Variants in KLF12 observed in about 807,000 individuals in gnomAD.
KLF12 encodes Krueppel-like factor 12.
KLF12 carries 9 observed loss-of-function variants against 37.8 expected under a neutral mutation model. The ratio of observed to expected loss-of-function variants is 0.24; its 90% confidence interval spans 0.14 to 0.42. The LOEUF is 0.42. Among genes scored for constraint, KLF12 ranks in the 10% least tolerant of loss-of-function variants. The pLI, the probability that KLF12 is intolerant of heterozygous loss-of-function variation, is 1.00. For missense variants in KLF12, 411 were observed against 516.0 expected (o/e 0.80, Z 1.97); for synonymous variants, 208 against 202.1 (o/e 1.03, Z -0.25).
rs369471421 is a variant in KLF12, at chr13:73,855,426, T to TTG, written c.124-9055_124-9054dup. ...TGCTACAAAGGCCATGATTTCGTTT[T>TTG]TGTGTGTGTGTGTGGCTGCATAGTA... On this transcript the variant is annotated intron_variant, in intron 3 of 7. Coordinates refer to ENST00000377669, the MANE Select transcript of KLF12 (RefSeq NM_007249.5). Among the ~76,000 whole-genome samples the TTG allele has an allele frequency of 1.4e-4, 22 of 152,024 alleles. No individual in the cohort carries two copies. The South Asian group carries it at 3.7e-3, about 26-fold the overall frequency.
At chr13:73,855,510 G>T (rs1885561540) in intron 3 of KLF12, among the ~76,000 whole-genome samples, 1 of 152,118 alleles carries the variant, frequency 6.6e-6, no homozygotes, top group Non-Finnish European at 1.5e-5. Flanking sequence ...TGGGCATCTT[G>T]GTTGATTCCA....
the KLF12 span, among the ~76,000 whole-genome samples, chr13:74,168,925 A>G: frequency 6.6e-6 from 1 of 152,220 alleles, no homozygotes; most frequent in Admixed American, 6.5e-5. Context: ...ATTGAAATTC[A>G]TATTTGTGGA....
In KLF12 at chr13:73,739,198, C is replaced by G. The variant is rs541382334; in HGVS notation, c.870-23673G>C. Among the ~76,000 whole-genome samples the G allele has an allele frequency of 4.0e-5, 6 of 151,594 alleles. No homozygotes were observed. The South Asian group carries it at 1.3e-3, about 32-fold the overall frequency. On this transcript the variant is annotated intron_variant, in intron 6 of 7. Coordinates refer to ENST00000377669, the MANE Select transcript of KLF12 (RefSeq NM_007249.5). ...ACAGTGAGCCGAGACTGTGCCACTA[C>G]ACTCCAGACTGGGTGACAGAGTGAG...
intron 2 of KLF12, among the ~76,000 whole-genome samples, chr13:73,972,655 A>G (rs1891381002): frequency 6.7e-6 from 1 of 148,718 alleles, no homozygotes; most frequent in Non-Finnish European, 1.5e-5. Context: ...AGCAACTTCA[A>G]ACATAAATGA....
intron 2 of KLF12, among the ~76,000 whole-genome samples, chr13:73,971,255 A>G (rs1740846079): frequency 6.6e-6 from 1 of 152,190 alleles, no homozygotes; most frequent in African/African-American, 2.4e-5. Context: ...AACACATTTA[A>G]GGATTTTTAT....
chr13:74,036,975 G>A (rs920878060), intron 1 of KLF12, among the ~76,000 whole-genome samples: 7 of 152,252 alleles, frequency 4.6e-5, no homozygotes, highest in Admixed American at 3.9e-4. Context: ...GGAGGCCGAG[G>A]CAGGTGGATC....
chr13:74,110,359 T>TTATCATTA (rs1162653081), intron 1 of KLF12, among the ~76,000 whole-genome samples: 1 of 152,174 alleles, frequency 6.6e-6, no homozygotes. Flanking sequence ...TGGTATGGCT[T>TTATCATTA]TATCATTACT....
chr13:74,234,234 T>G, the KLF12 span, among the ~76,000 whole-genome samples: 1 of 152,180 alleles, frequency 6.6e-6, no homozygotes, highest in African/African-American at 2.4e-5. Context: ...ATATTACCTA[T>G]AGATAAAAAT....
chr13:74,123,057 C>T (rs76889836), intron 1 of KLF12, among the ~76,000 whole-genome samples: 4,258 of 151,140 alleles, frequency 0.028, 79 homozygotes, highest in South Asian at 0.052. Context: ...CCCATTAAAG[C>T]GAGCTTTTGC....
At chr13:73,835,966 T>C (rs1208143213) in intron 4 of KLF12, among the ~76,000 whole-genome samples, 2 of 152,008 alleles carry the variant, frequency 1.3e-5, no homozygotes, top group Non-Finnish European at 2.9e-5. Flanking sequence ...GTGCCACAGC[T>C]AGGACTGGGA....
chr13:73,826,292 C>T (rs1398178436), intron 4 of KLF12, among the ~76,000 whole-genome samples: 1 of 152,062 alleles, frequency 6.6e-6, no homozygotes, highest in Non-Finnish European at 1.5e-5. Context: ...TTTTATTTAT[C>T]TCATTTCTGA....
chr13:74,285,403 TAA>T, the KLF12 span, among the ~76,000 whole-genome samples: 1 of 152,204 alleles, frequency 6.6e-6, no homozygotes, highest in Admixed American at 6.5e-5. Flanking sequence ...TCAATACTGC[TAA>T]AGTCATTTAT....
At chr13:74,175,709 C>T in the KLF12 span, among the ~76,000 whole-genome samples, 1 of 152,082 alleles carries the variant, frequency 6.6e-6, no homozygotes, top group Non-Finnish European at 1.5e-5. Flanking sequence ...TGAGAGACAC[C>T]AAGACAACTT....
At chr13:74,107,524 A>C (rs1024882555) in intron 1 of KLF12, among the ~76,000 whole-genome samples, 3 of 152,374 alleles carry the variant, frequency 2.0e-5, no homozygotes, top group African/African-American at 7.2e-5. Context: ...CTTAAATGTG[A>C]GGTCTCTCTC....
intron 2 of KLF12, among the ~76,000 whole-genome samples, chr13:73,958,698 T>G (rs974674801): frequency 1.3e-5 from 2 of 152,204 alleles, no homozygotes; most frequent in Admixed American, 1.3e-4. Context: ...GCTCTCACAC[T>G]GAATTGGTAC....
Position 73,765,014 on chromosome 13 carries a change from A to G in KLF12, c.807-14T>C. On this transcript the variant is annotated splice_polypyrimidine_tract_variant and intron_variant, in intron 5 of 7. Coordinates refer to ENST00000377669, the MANE Select transcript of KLF12 (RefSeq NM_007249.5). ...GACGGATGTACCCTGTAGACAGAGA[A>G]GAATAATCCAGTCATTGAAAAAGCA... is the stretch of plus-strand genomic sequence containing the variant. 3 of 1,457,640 alleles carry G rather than the reference A, an allele frequency of 2.1e-6. No homozygotes were observed. The South Asian group carries it at 3.7e-5, about 18-fold the overall frequency. 90.3% of individuals were successfully genotyped at this position (1,457,640 alleles called of 1,614,324 possible).
the KLF12 span, among the ~76,000 whole-genome samples, chr13:74,242,884 C>G: frequency 1.3e-5 from 2 of 152,206 alleles, no homozygotes; most frequent in East Asian, 3.9e-4. Context: ...GGGAAGTTGC[C>G]TCTCACTGCC....
At chr13:74,043,037 C>T (rs1241050685) in intron 1 of KLF12, among the ~76,000 whole-genome samples, 1 of 152,072 alleles carries the variant, frequency 6.6e-6, no homozygotes, top group Non-Finnish European at 1.5e-5. Flanking sequence ...AAAAAGATTC[C>T]ACACATGATA....
chr13:73,754,173 G>C (rs74321192), intron 6 of KLF12, among the ~76,000 whole-genome samples: 1 of 152,106 alleles, frequency 6.6e-6, no homozygotes, highest in Non-Finnish European at 1.5e-5. Flanking sequence ...AAAAGAGAGA[G>C]TAGCAAGCCA....
Sources: allele counts gnomAD v4.1 joint callset (sites outside exome capture counted in the v4.1 genomes callset), GRCh38; gene constraint gnomAD v4.1.1; transcripts MANE v1.5; gene names NCBI Gene and HGNC (gene_info 2026-07-23, HGNC 2026-07-21).